BICC1: variants seen among roughly 807,000 people sequenced by gnomAD.
BICC1 encodes the protein BicC family RNA binding protein 1.
Under a neutral mutation model 111.0 loss-of-function variants are expected in BICC1, and 43 were observed. The ratio of observed to expected loss-of-function variants is 0.39; its 90% confidence interval spans 0.30 to 0.50. The LOEUF (loss-of-function observed/expected upper bound fraction) is 0.50. Ranked by LOEUF, BICC1 falls within the 20% of genes least tolerant of loss-of-function variation. BICC1 has a pLI of 0.88. For missense variants in BICC1, 1,091 were observed against 1,203.2 expected, an observed-to-expected ratio of 0.91 and a Z score of 1.38; for synonymous variants, 467 against 434.4, an observed-to-expected ratio of 1.07 and a Z score of -0.93.
intron 1 of BICC1, among the ~76,000 whole-genome samples, chr10:58,618,600 C>T (rs765997553): frequency 6.6e-6 from 1 of 152,198 alleles, no homozygotes; most frequent in Non-Finnish European, 1.5e-5. Flanking sequence ...GCTCGTCATT[C>T]ATCCACCCCC....
intron 1 of BICC1, among the ~76,000 whole-genome samples, chr10:58,585,780 T>C (rs1366835777): frequency 6.6e-6 from 1 of 152,216 alleles, no homozygotes. Flanking sequence ...ATTAAGTTCA[T>C]TTAATTGTAA....
Position 58,776,976 on chromosome 10 carries a change from T to G in BICC1, c.308-8025T>G, listed in dbSNP as rs1431397720. On this transcript the variant is annotated intron_variant, in intron 3 of 20. Coordinates refer to ENST00000373886, the MANE Select transcript of BICC1 (RefSeq NM_001080512.3). ...TGCTTTGGATTTTTCCCTGCCCTCC[T>G]CCTATCTGAACAGCAGCTTTCAGAT... Among the ~76,000 whole-genome samples, 5 of 152,036 alleles carry G rather than the reference T, an allele frequency of 3.3e-5. No individual in the cohort carries two copies. In the East Asian group the frequency reaches 9.6e-4, roughly 29 times the overall value.
chr10:58,658,928 G>A (rs573393698), intron 2 of BICC1, among the ~76,000 whole-genome samples: 2 of 152,302 alleles, frequency 1.3e-5, no homozygotes, highest in Non-Finnish European at 2.9e-5. Flanking sequence ...TGGCACTAGA[G>A]TGTAATTGGT....
intron 3 of BICC1, among the ~76,000 whole-genome samples, chr10:58,750,089 T>G (rs1235976723): frequency 1.3e-5 from 2 of 152,088 alleles, no homozygotes; most frequent in Admixed American, 6.6e-5. Context: ...AGTGTGAGGA[T>G]AATGAGTCCT....
At chr10:58,535,229 T>G (rs1842794722) in intron 1 of BICC1, among the ~76,000 whole-genome samples, 1 of 151,540 alleles carries the variant, frequency 6.6e-6, no homozygotes. Context: ...TAAAAGAAGC[T>G]CAAAGAAGTC....
At chr10:58,811,110 C>G (rs1361946556) in intron 17 of BICC1, among the ~76,000 whole-genome samples, 1 of 152,144 alleles carries the variant, frequency 6.6e-6, no homozygotes, top group Non-Finnish European at 1.5e-5. Flanking sequence ...CACTTTGAAG[C>G]TTTTTTTGTT....
intron 2 of BICC1, among the ~76,000 whole-genome samples, chr10:58,644,397 A>T (rs1031911537): frequency 6.6e-6 from 1 of 152,200 alleles, no homozygotes; most frequent in Non-Finnish European, 1.5e-5. Context: ...GAAGTTGTGT[A>T]AGGAAGACAG....
intron 1 of BICC1, among the ~76,000 whole-genome samples, chr10:58,581,644 C>T (rs576838204): frequency 5.9e-5 from 9 of 152,238 alleles, no homozygotes; most frequent in African/African-American, 2.2e-4. Context: ...TAACGATCCA[C>T]GTGTCTGTGG....
chr10:58,594,721 G>T (rs1179325746), intron 1 of BICC1, among the ~76,000 whole-genome samples: 1 of 152,046 alleles, frequency 6.6e-6, no homozygotes, highest in Non-Finnish European at 1.5e-5. Flanking sequence ...AACTCCTGAA[G>T]GAAGCACTAA....
chr10:58,546,910 A>T (rs1194849441), intron 1 of BICC1, among the ~76,000 whole-genome samples: 1 of 152,152 alleles, frequency 6.6e-6, no homozygotes, highest in East Asian at 1.9e-4. Flanking sequence ...GATGAATCAG[A>T]CTTTCAGATG....
At chr10:58,753,430 A>G (rs1842046683) in intron 3 of BICC1, among the ~76,000 whole-genome samples, 1 of 152,100 alleles carries the variant, frequency 6.6e-6, no homozygotes. Flanking sequence ...TGGTCTCCCA[A>G]AGTGCTGGGA....
intron 1 of BICC1, among the ~76,000 whole-genome samples, chr10:58,520,131 TAGTG>T (rs1413122031): frequency 2.0e-5 from 3 of 152,172 alleles, no homozygotes; most frequent in African/African-American, 7.2e-5. Flanking sequence ...TTGTCCAAAA[TAGTG>T]AGCTAATAAA....
chr10:58,616,968 G>A (rs1404594505), intron 1 of BICC1, among the ~76,000 whole-genome samples: 1 of 152,252 alleles, frequency 6.6e-6, no homozygotes, highest in Non-Finnish European at 1.5e-5. Flanking sequence ...TGGCAGCCAG[G>A]TGGGCTATTC....
At chr10:58,639,838 G>A (rs903725488) in intron 2 of BICC1, among the ~76,000 whole-genome samples, 36 of 146,624 alleles carry the variant, frequency 2.5e-4, no homozygotes, top group Admixed American at 1.5e-3. Context: ...TCAGCCTCCC[G>A]AGTAGCTGGG....
intron 2 of BICC1, among the ~76,000 whole-genome samples, chr10:58,659,044 A>G (rs138477151): frequency 1.4e-4 from 21 of 152,320 alleles, no homozygotes; most frequent in African/African-American, 4.6e-4. Context: ...ATGTGTCTAT[A>G]TAACTTTTTT....
intron 1 of BICC1, among the ~76,000 whole-genome samples, chr10:58,586,183 T>C (rs956748942): frequency 3.9e-5 from 6 of 152,176 alleles, no homozygotes; most frequent in African/African-American, 1.4e-4. Flanking sequence ...TTTGATTCTT[T>C]TGTTTCTTAA....
chr10:58,606,469 G>A (rs576496380), intron 1 of BICC1, among the ~76,000 whole-genome samples: 1 of 151,708 alleles, frequency 6.6e-6, no homozygotes. Flanking sequence ...GCTAGATGAC[G>A]AGTTAGTGGG....
At chr10:58,614,450 A>G (rs1255376239) in intron 1 of BICC1, among the ~76,000 whole-genome samples, 4 of 152,232 alleles carry the variant, frequency 2.6e-5, no homozygotes, top group Non-Finnish European at 5.9e-5. Context: ...TCTTGCACAC[A>G]AACACTTGGA....
At chr10:58,599,682 T>C (rs1588911915) in intron 1 of BICC1, among the ~76,000 whole-genome samples, 2 of 152,242 alleles carry the variant, frequency 1.3e-5, no homozygotes, top group South Asian at 4.2e-4. Flanking sequence ...TTTCTTTTAC[T>C]TGTCCTCTTT....
Sources: allele counts gnomAD v4.1 joint callset (sites outside exome capture counted in the v4.1 genomes callset), GRCh38; gene constraint gnomAD v4.1.1; transcripts MANE v1.5; gene names NCBI Gene and HGNC (gene_info 2026-07-23, HGNC 2026-07-21).